RTN1: variants seen among roughly 807,000 people sequenced by gnomAD.
The protein encoded by RTN1 is reticulon 1.
Under a neutral mutation model 65.5 loss-of-function variants are expected in RTN1, and 25 were observed. That is an observed-to-expected ratio of 0.38 (90% CI 0.28 to 0.53). RTN1 has a LOEUF of 0.53. RTN1 is among the 20% of genes least tolerant of loss of function. The pLI, the probability that RTN1 is intolerant of heterozygous loss-of-function variation, is 0.79. For missense variants in RTN1, 983 were observed against 1,025.4 expected, an observed-to-expected ratio of 0.96 and a Z score of 0.57; for synonymous variants, 471 against 447.6, an observed-to-expected ratio of 1.05 and a Z score of -0.66.
At chr14:59,858,104 G>T (rs546021485) in intron 1 of RTN1, among the ~76,000 whole-genome samples, 64 of 152,270 alleles carry the variant, frequency 4.2e-4, no homozygotes, top group Non-Finnish European at 7.5e-4. Context: ...TGTGGGAGTT[G>T]GCCATATCTC....
chr14:59,791,090 G>T (rs757514347), intron 1 of RTN1, among the ~76,000 whole-genome samples: 1 of 151,712 alleles, frequency 6.6e-6, no homozygotes, highest in Non-Finnish European at 1.5e-5. Flanking sequence ...TCTTTATAGC[G>T]AAAAGCAATC....
intron 3 of RTN1, among the ~76,000 whole-genome samples, chr14:59,650,314 C>A (rs766302099): frequency 6.6e-6 from 1 of 152,102 alleles, no homozygotes; most frequent in Non-Finnish European, 1.5e-5. Context: ...GGCTTAAAAC[C>A]TAGATGATGG....
rs561128755 is a variant in RTN1 at position 59,794,564 on chromosome 14, T to C, written c.242-48083A>G. On this transcript the variant is annotated intron_variant, in intron 1 of 8. Transcript: ENST00000267484. The surrounding 1 kb of genome is among the most constrained non-coding windows in gnomAD (Gnocchi z 5.1). ...TCCCAACTATATTAGAATACAGTTT[T>C]AATTACTGTAACAAAGATCCATGTC... is the stretch of plus-strand genomic sequence containing the variant. Among the ~76,000 whole-genome samples, 1 of 152,304 alleles carries C rather than the reference T, an allele frequency of 6.6e-6. No homozygotes were observed. Among genetic ancestry groups the C allele is most frequent in the East Asian group, 1.9e-4 (1 of 5,180 alleles).
Position 59,727,138 on chromosome 14 carries a change from G to A in RTN1, c.1546C>T (p.Leu516=). ...AEERAPSRRG[L]AEPGSFLDYP... is the part of the protein sequence containing the mutation. ...TCGAGGAAGGAACCCGGCTCGGCCA[G>A]GCCCCGCCGGCTTGGCGCACGCTCC... The change falls in exon 3 of 9, where the codon CTG becomes TTG. Residue 516 remains leucine, a synonymous_variant. Coordinates refer to ENST00000267484, the MANE Select transcript of RTN1 (RefSeq NM_021136.3). This position sits in a 1 kb window ranked among gnomAD's most constrained non-coding sequence, Gnocchi z 4.2. 1.2e-6 allele frequency: 2 copies of A among 1,602,908 alleles called. No homozygotes were observed. Among genetic ancestry groups the A allele is most frequent in the South Asian group, 2.2e-5 (2 of 89,558 alleles).
intron 1 of RTN1, among the ~76,000 whole-genome samples, chr14:59,787,596 G>A (rs1014686363): frequency 2.6e-5 from 4 of 152,188 alleles, no homozygotes; most frequent in Non-Finnish European, 5.9e-5. Context: ...CAGAACTAAA[G>A]AAATGGCCAT....
At chr14:59,860,462 T>A (rs569160668) in intron 1 of RTN1, among the ~76,000 whole-genome samples, 2 of 152,266 alleles carry the variant, frequency 1.3e-5, no homozygotes, top group South Asian at 4.1e-4. Context: ...TCAGGGAGAA[T>A]CTCTGCTAGG....
chr14:59,749,527 ATATATC>A, intron 1 of RTN1, among the ~76,000 whole-genome samples: 1 of 53,068 alleles, frequency 1.9e-5, no homozygotes, highest in Non-Finnish European at 2.9e-5. Context: ...ATATATTTAT[ATATATC>A]TATCTATATA....
At chr14:59,716,071 A>G (rs1377230182) in intron 3 of RTN1, among the ~76,000 whole-genome samples, 1 of 152,248 alleles carries the variant, frequency 6.6e-6, no homozygotes, top group African/African-American at 2.4e-5. Flanking sequence ...CTTACAGACC[A>G]TGCTAACACT....
At chr14:59,852,927 T>C (rs1239409209) in intron 1 of RTN1, among the ~76,000 whole-genome samples, 2 of 152,356 alleles carry the variant, frequency 1.3e-5, no homozygotes, top group East Asian at 3.9e-4. Context: ...GTGTCATCTA[T>C]CCAACTTCAT....
chr14:59,672,163 T>TTTCA (rs1429483159), intron 3 of RTN1, among the ~76,000 whole-genome samples: 1 of 152,136 alleles, frequency 6.6e-6, no homozygotes, highest in Middle Eastern at 3.2e-3. Context: ...TTAGATGCCA[T>TTTCA]TTGACCTCTT....
chr14:59,721,779 A>G (rs1269246781), intron 3 of RTN1, among the ~76,000 whole-genome samples: 1 of 152,220 alleles, frequency 6.6e-6, no homozygotes, highest in African/African-American at 2.4e-5. Context: ...TAATTTTATA[A>G]CCAAACACTA....
intron 1 of RTN1, among the ~76,000 whole-genome samples, chr14:59,752,366 G>T (rs538434034): frequency 6.6e-6 from 1 of 152,006 alleles, no homozygotes; most frequent in Non-Finnish European, 1.5e-5. Flanking sequence ...TCTCTCTGGG[G>T]CCACTTTTAT....
At chr14:59,716,601 A>G (rs957696824) in intron 3 of RTN1, among the ~76,000 whole-genome samples, 42 of 152,168 alleles carry the variant, frequency 2.8e-4, no homozygotes, top group African/African-American at 9.9e-4. Flanking sequence ...AACATTGTAA[A>G]TTCATTTAAA....
intron 3 of RTN1, among the ~76,000 whole-genome samples, chr14:59,697,879 A>G (rs1382930917): frequency 6.6e-6 from 1 of 152,172 alleles, no homozygotes; most frequent in East Asian, 1.9e-4. Context: ...TATCCAACTC[A>G]CATACTTCTC....
intron 1 of RTN1, among the ~76,000 whole-genome samples, chr14:59,826,307 G>GT (rs1887029957): frequency 6.6e-6 from 1 of 152,228 alleles, no homozygotes. Context: ...AATGGGTTAA[G>GT]TGATAGACTA....
chr14:59,609,172 C>T (rs1020689218), intron 3 of RTN1, among the ~76,000 whole-genome samples: 6 of 151,946 alleles, frequency 3.9e-5, no homozygotes, highest in African/African-American at 9.7e-5. Context: ...GTAATCCCAG[C>T]GACTCGGGAG....
chr14:59,819,030 C>T (rs183932995), intron 1 of RTN1, among the ~76,000 whole-genome samples: 6 of 152,180 alleles, frequency 3.9e-5, no homozygotes, highest in Non-Finnish European at 7.4e-5. Flanking sequence ...TGATGCTGCA[C>T]ACCTTCGCAG....
At chr14:59,609,540 A>C (rs74057872) in intron 3 of RTN1, among the ~76,000 whole-genome samples, 2,367 of 152,270 alleles carry the variant, frequency 0.016, 48 homozygotes, top group African/African-American at 0.053. Context: ...GAACTCTGAG[A>C]GTAGAGGGCA....
intron 3 of RTN1, among the ~76,000 whole-genome samples, chr14:59,636,625 C>T (rs749163359): frequency 5.3e-5 from 8 of 151,792 alleles, no homozygotes; most frequent in African/African-American, 1.7e-4. Flanking sequence ...TTATTAATTC[C>T]GTTTGAAGAT....
Sources: gnomAD v4.1 joint callset for allele counts (sites outside exome capture counted in the v4.1 genomes callset) on GRCh38, gnomAD v4.1.1 for gene constraint, Gnocchi (gnomAD v3.1) non-coding constraint, MANE v1.5 for transcripts, NCBI Gene and HGNC (gene_info 2026-07-23, HGNC 2026-07-21) for gene names.